LMAN1: variants seen among roughly 807,000 people sequenced by gnomAD.
LMAN1 encodes lectin, mannose binding 1, also known as protein ERGIC-53.
In LMAN1, 32 loss-of-function variants were observed where a neutral mutation model predicts 67.8. The observed-to-expected ratio is 0.47, with a 90% CI of 0.36 to 0.63. The LOEUF is 0.63. LMAN1 is among the 30% of genes least tolerant of loss of function. LMAN1 has a pLI of 0.00. For synonymous variants in LMAN1, 235 were observed against 219.3 expected (o/e 1.07, Z -0.63); for missense variants, 632 against 628.2 (o/e 1.01, Z -0.06).
Position 59,331,111 on chromosome 18 carries a change from A to C in LMAN1, c.1515T>G (p.Ala505=), listed in dbSNP as rs1278490589. 2 of 1,612,120 alleles carry C rather than the reference A, an allele frequency of 1.2e-6. No individual in the cohort carries two copies. Among genetic ancestry groups the C allele is most frequent in the Non-Finnish European group, 8.5e-7 (1 of 1,178,538 alleles). Residue 505 remains alanine (A), a synonymous_variant, in exon 13 of 13, where the codon GCT becomes GCG. Coordinates refer to ENST00000251047, the MANE Select transcript of LMAN1 (RefSeq NM_005570.4). ...YIMYRSQQEA[A]AKKFF is the part of the protein sequence containing the mutation. ...ATGGTAGTCAAAAGAATTTTTTGGC[A>C]GCTGCTTCTTGCTGAGACCTAATGA...
Position 59,330,927 on chromosome 18 carries a change from G to T in LMAN1, c.*166C>A, listed in dbSNP as rs866374974. On this transcript the variant is annotated 3_prime_UTR_variant, in exon 13 of 13. Coordinates refer to ENST00000251047, the MANE Select transcript of LMAN1 (RefSeq NM_005570.4). ...ACATACTGTGAACAAATTAAAATGT[G>T]GTTGTCTTTGCTTTAAGGTTTATTC... is the stretch of plus-strand genomic sequence containing the variant. 4.9e-6 allele frequency: 3 copies of T among 617,232 alleles called. No homozygotes were observed. Among genetic ancestry groups the T allele is most frequent in the South Asian group, 4.2e-5 (2 of 47,408 alleles). The allele number at this position is 617,232 out of a possible 1,614,324, so 38.2% of individuals were successfully genotyped here.
At chr18:59,339,782 A>G (rs1908246564) in intron 8 of LMAN1, among the ~76,000 whole-genome samples, 1 of 152,054 alleles carries the variant, frequency 6.6e-6, no homozygotes, top group South Asian at 2.1e-4. Context: ...TGCTGCTGAT[A>G]CTGAGACATG....
rs1176681160 is a variant in LMAN1, at chr18:59,331,411, G to T, written c.1496+7C>A. The stretch of plus-strand genomic sequence containing the variant: ...AATATTGGGTCACATTTTATCAAGA[G>T]ACTTACCTATACATGATATAACCAA... On this transcript the variant is annotated splice_region_variant and intron_variant, in intron 12 of 12. Coordinates refer to ENST00000251047, the MANE Select transcript of LMAN1 (RefSeq NM_005570.4). 6.2e-7 allele frequency: 1 copy of T among 1,604,034 alleles called. No individual in the cohort carries two copies. The highest frequency in any genetic ancestry group is 1.3e-5 in the African/African-American group (1 of 74,742).
rs1487479187 is a variant in LMAN1, at chr18:59,328,858, T to G, written c.*2235A>C. On this transcript the variant is annotated 3_prime_UTR_variant, in exon 13 of 13. Transcript: ENST00000251047. Reference sequence around the variant, plus strand: ...TTAGAACACAAATAGGTACATTAAATAAGGATATAAGCCATTACGCAATTG... The same window carrying G: ...TTAGAACACAAATAGGTACATTAAAGAAGGATATAAGCCATTACGCAATTG... 1 of 152,158 alleles carries G rather than the reference T, an allele frequency of 6.6e-6. No individual in the cohort carries two copies. The highest frequency in any genetic ancestry group is 2.4e-5 in the African/African-American group (1 of 41,434). The allele number at this position is 152,158 out of a possible 1,614,324, so 9.4% of individuals were successfully genotyped here. A position where few individuals can be genotyped will look rare whatever the true frequency, so the allele number is the denominator to read the frequency against.
At chr18:59,348,095 T>G (rs1908461343) in intron 6 of LMAN1, among the ~76,000 whole-genome samples, 1 of 152,236 alleles carries the variant, frequency 6.6e-6, no homozygotes, top group Non-Finnish European at 1.5e-5. Context: ...TATTAATAAT[T>G]TTATCTTACC....
intron 5 of LMAN1, among the ~76,000 whole-genome samples, chr18:59,352,304 A>C (rs1347886367): frequency 6.6e-6 from 1 of 152,210 alleles, no homozygotes; most frequent in South Asian, 2.1e-4. Flanking sequence ...GGCTATATTC[A>C]GGAACTCTCC....
chr18:59,353,865 C>T (rs760418389), intron 4 of LMAN1, among the ~76,000 whole-genome samples: 24 of 152,172 alleles, frequency 1.6e-4, no homozygotes, highest in East Asian at 1.9e-4. Context: ...TTACATATAA[C>T]GTGTACATAT....
intron 5 of LMAN1, chr18:59,352,940 T>C: frequency 2.5e-6 from 1 of 402,732 alleles, no homozygotes; most frequent in South Asian, 2.1e-5. Context: ...TCTATCTATC[T>C]ATAGATATAT....
Position 59,328,231 on chromosome 18 carries a change from G to C in LMAN1, c.*2862C>G, listed in dbSNP as rs1425013024. On this transcript the variant is annotated 3_prime_UTR_variant, in exon 13 of 13. Coordinates refer to ENST00000251047, the MANE Select transcript of LMAN1 (RefSeq NM_005570.4). The stretch of plus-strand genomic sequence containing the variant: ...TTCAAGTCATTTCTGTTTTCCCTAA[G>C]TTATCAAAAAGTACAACTGTCTGAT... The C allele has an allele frequency of 1.3e-5, 2 of 152,140 alleles. No homozygotes were observed. The highest frequency in any genetic ancestry group is 2.9e-5 in the Non-Finnish European group (2 of 68,032). 9.4% of individuals were successfully genotyped at this position (152,140 alleles called of 1,614,324 possible). A position where few individuals can be genotyped will look rare whatever the true frequency, so the allele number is the denominator to read the frequency against.
chr18:59,353,716 TA>T (rs1179934032), intron 4 of LMAN1, among the ~76,000 whole-genome samples: 1 of 152,068 alleles, frequency 6.6e-6, no homozygotes, highest in African/African-American at 2.4e-5. Context: ...CACGTGAAAA[TA>T]AAAAATGTAC....
intron 8 of LMAN1, among the ~76,000 whole-genome samples, chr18:59,340,585 C>T (rs971168089): frequency 6.6e-6 from 1 of 152,040 alleles, no homozygotes; most frequent in African/African-American, 2.4e-5. Flanking sequence ...CCCAGACAAG[C>T]AAATGCTGGG....
At chr18:59,353,118 C>A (rs1246636848) in intron 5 of LMAN1, 84 bp downstream of exon 5, 1 of 1,167,160 alleles carries the variant, frequency 8.6e-7, no homozygotes, top group African/African-American at 1.5e-5. Flanking sequence ...AATTTAAGTG[C>A]ATTTAATTTC....
chr18:59,352,944 G>GAT (rs1374379874), intron 5 of LMAN1: 8 of 406,762 alleles, frequency 2.0e-5, no homozygotes, highest in Non-Finnish European at 3.3e-5. Flanking sequence ...TCTATCTATA[G>GAT]ATATATATAT....
At chr18:59,349,949 C>T (rs1034649699) in intron 5 of LMAN1, among the ~76,000 whole-genome samples, 1 of 152,114 alleles carries the variant, frequency 6.6e-6, no homozygotes, top group Non-Finnish European at 1.5e-5. Flanking sequence ...AATCCTCTCA[C>T]GAGTCCCACC....
rs764166780 is a variant in LMAN1 at position 59,352,922 on chromosome 18, CCTAT to C, written c.639+276_639+279del. ...GATTATCCGTCTATCTATCTATCTACCTATCTATCTATCTATCTATAGATATATA... is the reference window on the plus strand; with the variant it reads ...GATTATCCGTCTATCTATCTATCTACCTATCTATCTATCTATAGATATATA... On this transcript the variant is annotated intron_variant, in intron 5 of 12. Coordinates refer to ENST00000251047, the MANE Select transcript of LMAN1 (RefSeq NM_005570.4). 155 of 372,202 alleles carry C rather than the reference CCTAT, an allele frequency of 4.2e-4. 1 individual carries two copies. The highest frequency in any genetic ancestry group is 2.8e-3 in the South Asian group (121 of 43,354). The allele number at this position is 372,202 out of a possible 1,614,324, so 23.1% of individuals were successfully genotyped here. A position where few individuals can be genotyped will look rare whatever the true frequency, so the allele number is the denominator to read the frequency against.
chr18:59,347,320 CAAAAAAAAAAAAAAAAAAAAAAA>C (rs58932497), intron 7 of LMAN1, among the ~76,000 whole-genome samples, 170 bp downstream of exon 7: 3 of 70,348 alleles, frequency 4.3e-5, no homozygotes, highest in South Asian at 6.0e-4. Context: ...GACTCCGTCT[CAAAAAAAAAAAAAAAAAAAAAAA>C]AAAAAAAAAA....
At chr18:59,345,128 T>C (rs1235562752) in intron 8 of LMAN1, among the ~76,000 whole-genome samples, 1 of 152,230 alleles carries the variant, frequency 6.6e-6, no homozygotes, top group Non-Finnish European at 1.5e-5. Context: ...GAATGACCTT[T>C]ATGTTTCATT....
intron 8 of LMAN1, among the ~76,000 whole-genome samples, chr18:59,340,385 G>C (rs1040206198): frequency 9.9e-5 from 15 of 152,046 alleles, no homozygotes; most frequent in Admixed American, 9.2e-4. Flanking sequence ...AAATTAGCAA[G>C]AGAGAAGTAT....
At chr18:59,340,325 C>A (rs1908259198) in intron 8 of LMAN1, among the ~76,000 whole-genome samples, 1 of 152,122 alleles carries the variant, frequency 6.6e-6, no homozygotes, top group Non-Finnish European at 1.5e-5. Flanking sequence ...AAGGGTTTCA[C>A]TACAGCATAT....
Sources: gnomAD v4.1 joint callset for allele counts (sites outside exome capture counted in the v4.1 genomes callset) on GRCh38, gnomAD v4.1.1 for gene constraint, MANE v1.5 for transcripts, NCBI Gene and HGNC (gene_info 2026-07-23, HGNC 2026-07-21) for gene names.